PTPRG: variants seen among roughly 807,000 people sequenced by gnomAD.
The protein encoded by PTPRG is protein tyrosine phosphatase receptor type G.
Under a neutral mutation model 165.3 loss-of-function variants are expected in PTPRG, and 102 were observed. The observed-to-expected ratio is 0.62, with a 90% CI of 0.53 to 0.73. PTPRG has a LOEUF of 0.73. Ranked by LOEUF, PTPRG falls within the 30% of genes least tolerant of loss-of-function variation. The probability of loss-of-function intolerance (pLI) is 0.00; values close to 1 mark genes in which losing one functional copy is unlikely to be tolerated. For synonymous variants in PTPRG, 675 were observed against 669.5 expected, an observed-to-expected ratio of 1.01 and a Z score of -0.13; for missense variants, 1,866 against 1,861.4, an observed-to-expected ratio of 1.00 and a Z score of -0.05.
intron 16 of PTPRG, among the ~76,000 whole-genome samples, chr3:62,257,964 AG>A (rs1421785542): frequency 6.6e-6 from 1 of 152,132 alleles, no homozygotes; most frequent in Non-Finnish European, 1.5e-5. Context: ...ACCCTGTCTC[AG>A]GAAAAAACAC....
intron 1 of PTPRG, among the ~76,000 whole-genome samples, chr3:61,721,060 C>G (rs1488469590): frequency 6.6e-6 from 1 of 152,174 alleles, no homozygotes; most frequent in African/African-American, 2.4e-5. Flanking sequence ...CTTCTTCTTG[C>G]CTTTCAACTG....
At chr3:61,752,842 T>C (rs1046143012) in intron 2 of PTPRG, among the ~76,000 whole-genome samples, 2 of 146,626 alleles carry the variant, frequency 1.4e-5, no homozygotes, top group African/African-American at 5.0e-5. Context: ...CTGCTTATAG[T>C]AATATAGCCT....
intron 2 of PTPRG, among the ~76,000 whole-genome samples, chr3:61,797,135 C>G (rs2035074142): frequency 6.6e-6 from 1 of 152,204 alleles, no homozygotes; most frequent in South Asian, 2.1e-4. Context: ...ATCATGAGCT[C>G]TTTGAGCCAG....
rs1700602840 is a variant in PTPRG at position 62,219,656 on chromosome 3, A to C, written c.2288+673A>C. Among the ~76,000 whole-genome samples the C allele has an allele frequency of 6.6e-6, 1 of 152,152 alleles. No individual in the cohort carries two copies. The highest frequency in any genetic ancestry group is 1.5e-5 in the Non-Finnish European group (1 of 68,030). On this transcript the variant is annotated intron_variant, in intron 13 of 29. Coordinates refer to ENST00000474889, the MANE Select transcript of PTPRG (RefSeq NM_002841.4). This position sits in a 1 kb window ranked among gnomAD's most constrained non-coding sequence, Gnocchi z 4.5. The stretch of plus-strand genomic sequence containing the variant: ...TTTGGCCTGGGTGCCCTCACCTCTC[A>C]GACTAACGTAGGAGGCTTCTGCCCT...
chr3:61,910,001 T>G (rs2038760209), intron 2 of PTPRG, among the ~76,000 whole-genome samples: 1 of 152,224 alleles, frequency 6.6e-6, no homozygotes, highest in Non-Finnish European at 1.5e-5. Flanking sequence ...TTGCTTTACT[T>G]CATTTTTCTC....
chr3:61,784,389 T>C (rs907618143), intron 2 of PTPRG, among the ~76,000 whole-genome samples: 5 of 152,190 alleles, frequency 3.3e-5, no homozygotes, highest in African/African-American at 1.2e-4. Context: ...CACACCATAA[T>C]ATGTAAATAT....
rs145376901 is a variant in PTPRG, at chr3:61,976,738, G to A, written c.191-12887G>A. Among the ~76,000 whole-genome samples, 1,357 of 151,914 alleles carry A rather than the reference G, an allele frequency of 8.9e-3. 16 individuals carry two copies. Among genetic ancestry groups the A allele is most frequent in the South Asian group, 0.018 (88 of 4,776 alleles). On this transcript the variant is annotated intron_variant, in intron 2 of 29. Coordinates refer to ENST00000474889, the MANE Select transcript of PTPRG (RefSeq NM_002841.4). Reference sequence around the variant, plus strand: ...TGCCCAGGCTGGCATCCAGTGGCACGATCTCGGCTCACAGCAACCTCTGCC... The same window carrying A: ...TGCCCAGGCTGGCATCCAGTGGCACAATCTCGGCTCACAGCAACCTCTGCC...
chr3:61,746,231 T>TTA (rs751410227), intron 1 of PTPRG, among the ~76,000 whole-genome samples: 1 of 72,892 alleles, frequency 1.4e-5, no homozygotes, highest in Non-Finnish European at 3.1e-5. Context: ...TTTTTTTTTT[T>TTA]TTTTTGAGAC....
chr3:62,158,765 A>G (rs1212843444), intron 7 of PTPRG, among the ~76,000 whole-genome samples: 6 of 152,166 alleles, frequency 3.9e-5, no homozygotes, highest in African/African-American at 1.2e-4. Context: ...TGTTTTGGCA[A>G]TCATTTTACT....
chr3:61,892,320 G>T (rs975825796), intron 2 of PTPRG, among the ~76,000 whole-genome samples: 4 of 152,130 alleles, frequency 2.6e-5, no homozygotes, highest in Non-Finnish European at 5.9e-5. Context: ...TCAGCATCCT[G>T]GGCTCAAGTG....
intron 2 of PTPRG, among the ~76,000 whole-genome samples, chr3:61,975,738 A>G (rs776676829): frequency 1.3e-5 from 2 of 151,912 alleles, no homozygotes; most frequent in Non-Finnish European, 2.9e-5. Flanking sequence ...TCACAGTTGC[A>G]TGTGTTTCTC....
At chr3:62,188,892 G>T (rs908768658) in intron 8 of PTPRG, among the ~76,000 whole-genome samples, 1 of 152,098 alleles carries the variant, frequency 6.6e-6, no homozygotes, top group Admixed American at 6.5e-5. Context: ...TGTACATCTC[G>T]GTTCGTTATT....
At chr3:62,070,762 T>A (rs1431605658) in intron 4 of PTPRG, among the ~76,000 whole-genome samples, 1 of 152,208 alleles carries the variant, frequency 6.6e-6, no homozygotes, top group Non-Finnish European at 1.5e-5. Flanking sequence ...TCACTGTGTT[T>A]GGATGTTTAC....
chr3:61,968,725 T>C (rs961815667), intron 2 of PTPRG, among the ~76,000 whole-genome samples: 3 of 152,184 alleles, frequency 2.0e-5, no homozygotes, highest in African/African-American at 7.2e-5. Flanking sequence ...TCAACTTTAC[T>C]TTCTTCATCT....
intron 1 of PTPRG, among the ~76,000 whole-genome samples, chr3:61,573,351 G>GT (rs906410883): frequency 2.6e-5 from 4 of 151,086 alleles, no homozygotes; most frequent in East Asian, 1.9e-4. Context: ...TTGCTACTTA[G>GT]TTTTTTTTAC....
At chr3:61,662,528 C>G (rs1220710389) in intron 1 of PTPRG, among the ~76,000 whole-genome samples, 1 of 152,238 alleles carries the variant, frequency 6.6e-6, no homozygotes, top group Non-Finnish European at 1.5e-5. Flanking sequence ...TACATCCATG[C>G]CCCACAGAGC....
In PTPRG at chr3:62,119,402, A is replaced by G. The variant is rs558692767; in HGVS notation, c.616-13200A>G. Among the ~76,000 whole-genome samples, 5 of 152,344 alleles carry G rather than the reference A, an allele frequency of 3.3e-5. No individual in the cohort carries two copies. The East Asian group carries it at 9.7e-4, about 29-fold the overall frequency. ...CTGATGACTGAGAACTTGCCCTGCA[A>G]AGAGCTGAGGAATGAGCGGCCTAAT... On this transcript the variant is annotated intron_variant, in intron 5 of 29. Transcript: ENST00000474889.
chr3:62,291,969 C>T (rs1702913980), intron 28 of PTPRG, among the ~76,000 whole-genome samples: 1 of 152,000 alleles, frequency 6.6e-6, no homozygotes, highest in Non-Finnish European at 1.5e-5. Flanking sequence ...CCATATAATT[C>T]CATTTTTAAA....
chr3:62,040,943 G>C (rs1366074416), intron 4 of PTPRG, among the ~76,000 whole-genome samples: 1 of 152,192 alleles, frequency 6.6e-6, no homozygotes, highest in Non-Finnish European at 1.5e-5. Flanking sequence ...CAACATGGGA[G>C]ACAGACATAG....
Sources: allele counts gnomAD v4.1 joint callset (sites outside exome capture counted in the v4.1 genomes callset), GRCh38; gene constraint gnomAD v4.1.1; non-coding constraint Gnocchi (gnomAD v3.1); transcripts MANE v1.5; gene names NCBI Gene and HGNC (gene_info 2026-07-23, HGNC 2026-07-21).